Variants in CDH13 observed in about 807,000 individuals in gnomAD.
CDH13 encodes cadherin-13.
A neutral mutation model predicts 63.8 loss-of-function variants in CDH13; 24 were observed. That is an observed-to-expected ratio of 0.38 (90% CI 0.27 to 0.53). CDH13 has a LOEUF of 0.53. Ranked by LOEUF, CDH13 falls within the 20% of genes least tolerant of loss-of-function variation. The pLI is 0.85. For synonymous variants in CDH13, 503 were observed against 355.3 expected, an observed-to-expected ratio of 1.42 and a Z score of -4.67; for missense variants, 1,049 against 903.1, an observed-to-expected ratio of 1.16 and a Z score of -2.07.
chr16:83,023,300 A>ACCC (rs55734721), intron 2 of CDH13, among the ~76,000 whole-genome samples: 6,233 of 151,280 alleles, frequency 0.041, 114 homozygotes, highest in South Asian at 0.067. Flanking sequence ...TGTTTTCACT[A>ACCC]CCCCCCGACT....
intron 4 of CDH13, among the ~76,000 whole-genome samples, chr16:83,171,952 C>T (rs759846923): frequency 6.6e-6 from 1 of 152,122 alleles, no homozygotes; most frequent in African/African-American, 2.4e-5. Flanking sequence ...GGTGAGATAG[C>T]TGGTGGACAT....
At chr16:83,043,658 A>C (rs1917527757) in intron 3 of CDH13, among the ~76,000 whole-genome samples, 1 of 152,018 alleles carries the variant, frequency 6.6e-6, no homozygotes, top group African/African-American at 2.4e-5. Context: ...CCGGAGTTTG[A>C]GACCAGCCTG....
At chr16:83,212,407 A>C (rs559383172) in intron 4 of CDH13, among the ~76,000 whole-genome samples, 2 of 152,240 alleles carry the variant, frequency 1.3e-5, no homozygotes, top group South Asian at 4.2e-4. Context: ...CTTTCCCCTG[A>C]AGAGGGACTT....
chr16:83,650,908 A>G (rs1408801960), intron 8 of CDH13, among the ~76,000 whole-genome samples: 1 of 151,376 alleles, frequency 6.6e-6, no homozygotes, highest in Non-Finnish European at 1.5e-5. Context: ...CCCTGTCTCT[A>G]TAAAAATTTT....
chr16:83,374,048 A>G (rs2091419152), intron 6 of CDH13, among the ~76,000 whole-genome samples: 1 of 152,184 alleles, frequency 6.6e-6, no homozygotes. Flanking sequence ...GAGGCAGTGG[A>G]GGGTACTAAG....
At chr16:82,839,657 G>A (rs901825491) in intron 1 of CDH13, among the ~76,000 whole-genome samples, 1 of 152,158 alleles carries the variant, frequency 6.6e-6, no homozygotes, top group Admixed American at 6.5e-5. Context: ...GATGGGGTCT[G>A]TGGCCATCGC....
intron 1 of CDH13, among the ~76,000 whole-genome samples, chr16:82,857,094 C>G (rs2039734351): frequency 6.6e-6 from 1 of 152,202 alleles, no homozygotes; most frequent in Admixed American, 6.5e-5. Flanking sequence ...CACAGAAGGT[C>G]TGAGGGGAAT....
intron 3 of CDH13, among the ~76,000 whole-genome samples, chr16:83,094,114 C>T (rs1356441922): frequency 6.6e-6 from 1 of 152,144 alleles, no homozygotes; most frequent in East Asian, 1.9e-4. Context: ...ATTGTTGTAA[C>T]AAATAGTTAC....
intron 6 of CDH13, among the ~76,000 whole-genome samples, chr16:83,435,675 C>T (rs1196188816): frequency 2.6e-5 from 4 of 152,188 alleles, no homozygotes; most frequent in Admixed American, 1.3e-4. Context: ...GTCCAGATGA[C>T]TGTTGCTCAG....
chr16:83,351,446 C>T lies in CDH13; in HGVS notation c.781+6440C>T, dbSNP rs57836497. On this transcript the variant is annotated intron_variant, in intron 6 of 13. Transcript: ENST00000567109. ...CAGTTCTGGGGTTCTCTCCTGGCAT[C>T]TCTACACAGAGAGATGCAGGTGCAC... Among the ~76,000 whole-genome samples the T allele has an allele frequency of 9.4e-3, 1,434 of 152,192 alleles. 22 individuals carry two copies. Among genetic ancestry groups the T allele is most frequent in the African/African-American group, 0.033 (1,385 of 41,522 alleles).
At position 83,140,344 on chromosome 16, in the gene CDH13, T is replaced by A. The variant is rs183480055; in HGVS notation, c.483+14843T>A. Among the ~76,000 whole-genome samples, 66 of 152,342 alleles carry A rather than the reference T, an allele frequency of 4.3e-4. 1 individual carries two copies. Among genetic ancestry groups the A allele is most frequent in the Admixed American group, 4.0e-3 (61 of 15,306 alleles). On this transcript the variant is annotated intron_variant, in intron 4 of 13. Coordinates refer to ENST00000567109, the MANE Select transcript of CDH13 (RefSeq NM_001257.5). ...CTTCATGTCCTTCATCAACACGTGG[T>A]ATGGCAGACCATTGCTATGGCCAAC... is the stretch of plus-strand genomic sequence containing the variant.
chr16:83,466,766 C>G (rs548563054), intron 6 of CDH13, among the ~76,000 whole-genome samples: 20 of 152,314 alleles, frequency 1.3e-4, no homozygotes, highest in African/African-American at 4.8e-4. Context: ...CAAGGGTATG[C>G]TTAAGTCACT....
chr16:82,731,848 G>A (rs1049654124), intron 1 of CDH13, among the ~76,000 whole-genome samples: 1 of 152,188 alleles, frequency 6.6e-6, no homozygotes, highest in Non-Finnish European at 1.5e-5. Flanking sequence ...GCCTGGACAT[G>A]CCTATATTGG....
intron 7 of CDH13, among the ~76,000 whole-genome samples, chr16:83,590,597 G>T (rs2150735537): frequency 6.6e-6 from 1 of 151,980 alleles, no homozygotes; most frequent in Admixed American, 6.5e-5. Context: ...TTCTCGAAAT[G>T]GACGTAAAAA....
intron 1 of CDH13, among the ~76,000 whole-genome samples, chr16:82,678,996 C>A (rs895011897): frequency 6.6e-6 from 1 of 152,168 alleles, no homozygotes; most frequent in East Asian, 1.9e-4. Context: ...AGGGAGCAGA[C>A]TCCAGTTGAT....
intron 5 of CDH13, among the ~76,000 whole-genome samples, chr16:83,290,230 A>T (rs1012655736): frequency 7.2e-5 from 11 of 152,208 alleles, no homozygotes; most frequent in Non-Finnish European, 1.3e-4. Flanking sequence ...GTTAGTATTT[A>T]CAATGGCTCC....
At chr16:82,691,221 G>A (rs1280855327) in intron 1 of CDH13, among the ~76,000 whole-genome samples, 1 of 152,190 alleles carries the variant, frequency 6.6e-6, no homozygotes, top group African/African-American at 2.4e-5. Flanking sequence ...GTGTTTGTTA[G>A]TTAGTTACTA....
chr16:82,765,202 G>A (rs1007655561), intron 1 of CDH13, among the ~76,000 whole-genome samples: 1 of 152,136 alleles, frequency 6.6e-6, no homozygotes, highest in African/African-American at 2.4e-5. Context: ...TTAAAGAGAT[G>A]AGTATTTGAG....
At chr16:83,489,510 G>T (rs1456723904) in intron 7 of CDH13, among the ~76,000 whole-genome samples, 2 of 152,194 alleles carry the variant, frequency 1.3e-5, no homozygotes, top group African/African-American at 4.8e-5. Context: ...CTAGTTCCTT[G>T]TGCTGTGATA....
Sources: gnomAD v4.1 joint callset for allele counts (sites outside exome capture counted in the v4.1 genomes callset) on GRCh38, gnomAD v4.1.1 for gene constraint, MANE v1.5 for transcripts, NCBI Gene and HGNC (gene_info 2026-07-23, HGNC 2026-07-21) for gene names.